The following FCSK variants were observed in gnomAD, a reference collection of about 807,000 sequenced individuals.
FCSK encodes fucose kinase, also known as L-fucose kinase.
In FCSK, 123 loss-of-function variants were observed where a neutral mutation model predicts 122.5. The ratio of observed to expected loss-of-function variants is 1.00; its 90% CI spans 0.87 to 1.17. The LOEUF is 1.17. FCSK is among the 50% of genes most tolerant of loss of function. FCSK has a pLI of 0.00. For synonymous variants in FCSK, 620 were observed against 625.5 expected (o/e 0.99, Z 0.13); for missense variants, 1,366 against 1,450.4 (o/e 0.94, Z 0.95).
rs73578803 is a variant in FCSK at position 70,472,766 on chromosome 16, C to T, written c.1406+161C>T. 7.7e-3 allele frequency among the ~76,000 whole-genome samples: 1,165 copies of T among 152,210 alleles called. 10 individuals carry two copies. Among genetic ancestry groups the T allele is most frequent in the African/African-American group, 0.027 (1,105 of 41,526 alleles). The stretch of plus-strand genomic sequence containing the variant: ...CCGGATTCTCTCCAGTACTTTCCCC[C>T]GGGCAGCTCCCAGTCTCTGGCTGTG... On this transcript the variant is annotated intron_variant, in intron 14 of 23. Coordinates refer to ENST00000288078, the MANE Select transcript of FCSK (RefSeq NM_145059.3).
Position 70,479,346 on chromosome 16 carries a change from G to T in FCSK, c.3096G>T (p.Leu1032=), listed in dbSNP as rs985680135. ...AGAGGGGFLY[L]LTKEPQQKEA... ...CAGGCGGTGGAGGCTTTCTCTATCT[G>T]TTGACCAAGGAGCCACAGCAAAAGG... Residue 1032 remains leucine, a synonymous_variant, in exon 23 of 24, where the codon CTG becomes CTT. Transcript: ENST00000288078. The T allele has an allele frequency of 6.2e-7, 1 of 1,613,954 alleles. No homozygotes were observed. Among genetic ancestry groups the T allele is most frequent in the Non-Finnish European group, 8.5e-7 (1 of 1,180,024 alleles).
intron 1 of FCSK, chr16:70,462,150 T>TTTTG (rs1567694841): frequency 0.041 from 6,230 of 152,336 alleles, 440 homozygotes; most frequent in African/African-American, 0.14. Context: ...ATTTGACTTT[T>TTTTG]TTTTGTTTTG....
At chr16:70,463,524 C>A in intron 2 of FCSK, 99 bp from the exon 3 acceptor site, 1 of 1,490,902 alleles carries the variant, frequency 6.7e-7, no homozygotes, top group South Asian at 1.2e-5. Context: ...AAAGCTAAGT[C>A]AAGGAAGATC....
In FCSK at chr16:70,474,153, G is replaced by C. The variant is rs1354374812; in HGVS notation, c.1802G>C (p.Gly601Ala). The change falls in exon 16 of 24, where the codon GGT (glycine) becomes GCT (alanine). Residue 601 changes from glycine to alanine, a missense_variant. Gly to Ala is a moderately conservative substitution (Grantham distance 60). Transcript: ENST00000288078. Reference protein sequence around the residue: ...DQVAAGAGDPGVAARALACVA... With the variant: ...DQVAAGAGDPAVAARALACVA... ...GTTGCAGCTGGGGCAGGAGACCCTG[G>C]TGTGGCGGCACGGGCACTGGCCTGT... 1 of 1,553,082 alleles carries C rather than the reference G, an allele frequency of 6.4e-7. No individual in the cohort carries two copies. The highest frequency in any genetic ancestry group is 8.7e-7 in the Non-Finnish European group (1 of 1,148,556).
rs1467048243 is a variant in FCSK, at chr16:70,479,356, G to A, written c.3106G>A (p.Glu1036Lys). Reference sequence around the variant, plus strand: ...AGGCTTTCTCTATCTGTTGACCAAGGAGCCACAGCAAAAGGAGGCCTTGGA... The same window carrying A: ...AGGCTTTCTCTATCTGTTGACCAAGAAGCCACAGCAAAAGGAGGCCTTGGA... ...GGGFLYLLTK[E>K]PQQKEALEAV... Residue 1036 changes from glutamate to lysine, a missense_variant, in exon 23 of 24, where the codon GAG becomes AAG. Transcript: ENST00000288078. 3.1e-6 allele frequency: 5 copies of A among 1,613,872 alleles called. No individual in the cohort carries two copies. The highest frequency in any genetic ancestry group is 1.7e-5 in the Admixed American group (1 of 60,002).
In FCSK at chr16:70,478,296, G is replaced by C; in HGVS notation, c.2666G>C (p.Gly889Ala). Residue 889 changes from glycine to alanine, a missense_variant, in exon 21 of 24, where the codon GGT becomes GCT. Transcript: ENST00000288078. ...GGAGGTGGCTGGCAGGACCAAGTAG[G>C]TGGCCTAATGCCTGGCATCAAGGTG... ...TTGGGWQDQV[G>A]GLMPGIKVGR... 6.2e-7 allele frequency: 1 copy of C among 1,614,136 alleles called. No homozygotes were observed. Among genetic ancestry groups the C allele is most frequent in the Non-Finnish European group, 8.5e-7 (1 of 1,180,034 alleles).
Position 70,470,958 on chromosome 16 carries a change from C to A in FCSK, c.1069-13C>A. On this transcript the variant is annotated splice_polypyrimidine_tract_variant and intron_variant, in intron 11 of 23. Coordinates refer to ENST00000288078, the MANE Select transcript of FCSK (RefSeq NM_145059.3). The stretch of plus-strand genomic sequence containing the variant: ...CTCGACCCCCCTCATGCTCCTCCTA[C>A]CTGGCTGCACAGGAGCAGCAGCTTC... 1 of 1,566,890 alleles carries A rather than the reference C, an allele frequency of 6.4e-7. No homozygotes were observed. Among genetic ancestry groups the A allele is most frequent in the Non-Finnish European group, 8.6e-7 (1 of 1,157,778 alleles).
chr16:70,461,426 G>A (rs17882632), intron 1 of FCSK, among the ~76,000 whole-genome samples: 261 of 151,840 alleles, frequency 1.7e-3, no homozygotes, highest in African/African-American at 5.8e-3. Context: ...AGTCAGATTG[G>A]TTTTCCATCT....
intron 21 of FCSK, 22 bp downstream of exon 21, chr16:70,478,481 A>AG (rs761024213): frequency 6.2e-7 from 1 of 1,613,580 alleles, no homozygotes; most frequent in Admixed American, 1.7e-5. Context: ...CCCCAGCATG[A>AG]GGGAGGCAGG....
At chr16:70,462,830 A>T (rs1388494729) in intron 1 of FCSK, among the ~76,000 whole-genome samples, 1 of 130,934 alleles carries the variant, frequency 7.6e-6, no homozygotes, top group African/African-American at 2.9e-5. Flanking sequence ...TTTTTAGTAG[A>T]GACGGGGTTT....
chr16:70,472,872 T>C, intron 14 of FCSK, 111 bp from the exon 15 acceptor site: 4 of 1,345,998 alleles, frequency 3.0e-6, no homozygotes, highest in Non-Finnish European at 4.0e-6. Context: ...CCACTTATGC[T>C]ACCTCGGAGG....
chr16:70,460,376 G>T (rs897378493), intron 1 of FCSK, among the ~76,000 whole-genome samples: 12 of 151,330 alleles, frequency 7.9e-5, no homozygotes, highest in African/African-American at 2.7e-4. Context: ...CTCCCAAAGT[G>T]CTGGGATTAC....
intron 20 of FCSK, chr16:70,478,023 T>C (rs1200813768): frequency 9.5e-6 from 5 of 528,800 alleles, no homozygotes; most frequent in African/African-American, 5.7e-5. Context: ...TTTATCCCAA[T>C]TCCAATTATA....
chr16:70,463,006 A>G (rs753839967), intron 1 of FCSK, among the ~76,000 whole-genome samples, 163 bp from the exon 2 acceptor site: 21 of 152,244 alleles, frequency 1.4e-4, no homozygotes, highest in Admixed American at 2.0e-4. Flanking sequence ...GTCAGGGCGT[A>G]GGCGGGGAGG....
intron 1 of FCSK, among the ~76,000 whole-genome samples, chr16:70,460,920 G>A (rs978460522): frequency 6.6e-6 from 1 of 152,172 alleles, no homozygotes; most frequent in Non-Finnish European, 1.5e-5. Flanking sequence ...ACGTGCCTAC[G>A]GCCATACAGT....
At position 70,474,225 on chromosome 16, in the gene FCSK, G is replaced by A. The variant is rs186275161; in HGVS notation, c.1874G>A (p.Arg625Gln). The part of the protein sequence containing the change: ...GCMAEGRGGL[R>Q]SGPAANPEWM... ...ATGGCAGAGGGCCGTGGGGGCTTGC[G>A]GAGCGGGCCAGCTGCCAACCCTGAG... The change falls in exon 16 of 24, where the codon CGG becomes CAG. Residue 625 changes from arginine to glutamine, a missense_variant. By Grantham distance (43) the Arg-to-Gln change is conservative. Coordinates refer to ENST00000288078, the MANE Select transcript of FCSK (RefSeq NM_145059.3). The A allele has an allele frequency of 1.3e-4, 209 of 1,599,348 alleles. 1 individual carries two copies. The East Asian group carries it at 1.8e-3, about 14-fold the overall frequency.
chr16:70,463,802 G>A (rs1295536303), intron 3 of FCSK, 28 bp downstream of exon 3: 1 of 1,583,822 alleles, frequency 6.3e-7, no homozygotes, highest in African/African-American at 1.3e-5. Flanking sequence ...CCACCTCCCT[G>A]GTCTGTGTCC....
chr16:70,474,068 G>C, intron 15 of FCSK, 61 bp from the exon 16 acceptor site: 1 of 1,480,438 alleles, frequency 6.8e-7, no homozygotes, highest in South Asian at 1.2e-5. Context: ...GTAGCCTCTC[G>C]TGAAAGAGGA....
intron 12 of FCSK, 35 bp from the exon 13 acceptor site, chr16:70,471,147 T>C (rs781370711): frequency 5.0e-6 from 8 of 1,593,324 alleles, no homozygotes; most frequent in Non-Finnish European, 6.8e-6. Context: ...GTTGGGTGCC[T>C]GCCCACCCAG....
Sources: allele counts gnomAD v4.1 joint callset (sites outside exome capture counted in the v4.1 genomes callset), GRCh38; gene constraint gnomAD v4.1.1; transcripts MANE v1.5; gene names NCBI Gene and HGNC (gene_info 2026-07-23, HGNC 2026-07-21).